XIRP2: variants seen among roughly 807,000 people sequenced by gnomAD.
The protein encoded by XIRP2 is xin actin binding repeat containing 2.
In XIRP2, 236 loss-of-function variants were observed where a neutral mutation model predicts 277.0. The observed-to-expected ratio is 0.85, with a 90% confidence interval of 0.77 to 0.95. The LOEUF (loss-of-function observed/expected upper bound fraction) is 0.95, where lower values mean the gene tolerates loss of function less well. Ranked by LOEUF, XIRP2 falls within the 40% of genes least tolerant of loss-of-function variation. The pLI is 0.00. For missense variants in XIRP2, 4,640 were observed against 4,157.5 expected, an observed-to-expected ratio of 1.12 and a Z score of -3.19; for synonymous variants, 1,490 against 1,416.5, an observed-to-expected ratio of 1.05 and a Z score of -1.17.
At chr2:166,927,116 CTG>C (rs1273365813) in intron 2 of XIRP2, among the ~76,000 whole-genome samples, 3 of 152,162 alleles carry the variant, frequency 2.0e-5, no homozygotes, top group African/African-American at 7.2e-5. Flanking sequence ...TAGTTTTTCT[CTG>C]TGTTCCAGTT....
chr2:166,969,602 T>C (rs1464532566), intron 2 of XIRP2, among the ~76,000 whole-genome samples: 1 of 151,958 alleles, frequency 6.6e-6, no homozygotes, highest in Admixed American at 6.6e-5. Context: ...ATTTTAAGGC[T>C]TCATATATGA....
At position 167,243,871 on chromosome 2, in the gene XIRP2, A is replaced by T; in HGVS notation, c.2479A>T (p.Ile827Phe). The change falls in exon 9 of 11, where the codon ATC (isoleucine) becomes TTC (phenylalanine). Residue 827 changes from isoleucine to phenylalanine, a missense_variant. Transcript: ENST00000409195. ...GAAAATCAAAGAGTCAGAAGAGGTC[A>T]TCATTGAAAAGGAAAAAATAATAGG... ...LEKIKESEEV[I>F]IEKEKIIGTD... 1 of 1,614,006 alleles carries T rather than the reference A, an allele frequency of 6.2e-7. No homozygotes were observed. Among genetic ancestry groups the T allele is most frequent in the Non-Finnish European group, 8.5e-7 (1 of 1,179,944 alleles).
chr2:167,183,786 T>C (rs1683578540), intron 3 of XIRP2, among the ~76,000 whole-genome samples: 1 of 151,858 alleles, frequency 6.6e-6, no homozygotes. Flanking sequence ...TCTGTCTCTT[T>C]GCATGCTTAG....
At chr2:167,219,425 A>G (rs1197968474) in intron 5 of XIRP2, among the ~76,000 whole-genome samples, 1 of 152,240 alleles carries the variant, frequency 6.6e-6, no homozygotes, top group Admixed American at 6.5e-5. Context: ...TAGTTTAAAT[A>G]ACAAATTCTA....
intron 2 of XIRP2, among the ~76,000 whole-genome samples, chr2:167,015,636 C>T (rs142429712): frequency 3.9e-4 from 59 of 151,846 alleles, no homozygotes; most frequent in African/African-American, 1.2e-3. Context: ...ATTTATATTG[C>T]TCTAATAAGA....
At chr2:166,917,808 G>A (rs771698939) in intron 2 of XIRP2, among the ~76,000 whole-genome samples, 7 of 152,068 alleles carry the variant, frequency 4.6e-5, no homozygotes, top group African/African-American at 7.2e-5. Flanking sequence ...TTAGGAGCCC[G>A]ATTCTTTTAC....
intron 3 of XIRP2, among the ~76,000 whole-genome samples, chr2:167,170,533 T>A (rs73022001): frequency 0.099 from 15,023 of 152,194 alleles, 799 homozygotes; most frequent in South Asian, 0.15. Context: ...TGCTTGTGAT[T>A]AGTGGTATCT....
chr2:167,181,565 C>T (rs1693009105), intron 3 of XIRP2, among the ~76,000 whole-genome samples: 1 of 150,666 alleles, frequency 6.6e-6, no homozygotes, highest in Admixed American at 6.6e-5. Flanking sequence ...GACAAGAAGC[C>T]TATCAAGAAC....
At chr2:167,196,696 T>G (rs1018549096) in intron 3 of XIRP2, among the ~76,000 whole-genome samples, 12 of 152,092 alleles carry the variant, frequency 7.9e-5, no homozygotes, top group African/African-American at 2.9e-4. Flanking sequence ...CTGCTTTCCT[T>G]GGCAGGCTTC....
At chr2:166,920,886 T>C (rs551098175) in intron 2 of XIRP2, among the ~76,000 whole-genome samples, 1 of 152,174 alleles carries the variant, frequency 6.6e-6, no homozygotes, top group Non-Finnish European at 1.5e-5. Context: ...TCTAACCCAG[T>C]CAGGTGGAGT....
intron 2 of XIRP2, among the ~76,000 whole-genome samples, chr2:166,912,508 T>G (rs2105347778): frequency 6.6e-6 from 1 of 152,306 alleles, no homozygotes; most frequent in East Asian, 1.9e-4. Context: ...TAGCCATTAG[T>G]CTAATCTTTT....
In XIRP2 at chr2:167,172,148, G is replaced by C. The variant is rs538827103; in HGVS notation, c.562+36086G>C. On this transcript the variant is annotated intron_variant, in intron 3 of 10. Transcript: ENST00000409195. The stretch of plus-strand genomic sequence containing the variant: ...CAAATGAGAGAAATTTTAAAGCTGG[G>C]TGTCCAGGGGAGACATCACATGTCG... 1.4e-4 allele frequency among the ~76,000 whole-genome samples: 21 copies of C among 152,148 alleles called. No homozygotes were observed. In the East Asian group the frequency reaches 3.5e-3, roughly 25 times the overall value.
intron 2 of XIRP2, among the ~76,000 whole-genome samples, chr2:167,059,220 C>T (rs1398597913): frequency 1.3e-5 from 2 of 149,502 alleles, no homozygotes; most frequent in Admixed American, 1.3e-4. Flanking sequence ...TCTCCTGCCT[C>T]AGTCTCCCGA....
intron 2 of XIRP2, among the ~76,000 whole-genome samples, chr2:166,926,887 C>A (rs542677612): frequency 6.6e-6 from 1 of 152,180 alleles, no homozygotes; most frequent in East Asian, 1.9e-4. Flanking sequence ...GTGCATCAGT[C>A]ATAATACAGT....
chr2:167,078,274 G>A (rs942250387), intron 2 of XIRP2, among the ~76,000 whole-genome samples: 4 of 152,100 alleles, frequency 2.6e-5, no homozygotes, highest in African/African-American at 9.7e-5. Flanking sequence ...TTAGCTCTCA[G>A]CTTGAATTTT....
At chr2:167,082,378 C>A (rs1689763986) in intron 2 of XIRP2, among the ~76,000 whole-genome samples, 1 of 151,958 alleles carries the variant, frequency 6.6e-6, no homozygotes, top group South Asian at 2.1e-4. Context: ...CAAGTCTTTG[C>A]TATTGTGAAT....
chr2:167,029,779 T>C (rs546933644), intron 2 of XIRP2, among the ~76,000 whole-genome samples: 11 of 152,162 alleles, frequency 7.2e-5, no homozygotes, highest in Non-Finnish European at 1.6e-4. Flanking sequence ...TCAGAAGGAA[T>C]GATACAGCTC....
intron 2 of XIRP2, among the ~76,000 whole-genome samples, chr2:167,095,467 T>C (rs1029893999): frequency 6.6e-6 from 1 of 152,166 alleles, no homozygotes; most frequent in Non-Finnish European, 1.5e-5. Context: ...AAATAGCTCT[T>C]ATTATTTTGA....
Position 167,243,021 on chromosome 2 carries a change from G to T in XIRP2, c.1629G>T (p.Arg543=). 11 of 1,614,016 alleles carry T rather than the reference G, an allele frequency of 6.8e-6. No individual in the cohort carries two copies. The highest frequency in any genetic ancestry group is 9.3e-6 in the Non-Finnish European group (11 of 1,179,960). The change falls in exon 9 of 11, where the codon CGG becomes CGT. Residue 543 remains arginine (R), a synonymous_variant. Transcript: ENST00000409195. ...SSVSADVQQA[R]YVFENTNDSS... ...TCTCAGCAGATGTGCAACAAGCCCG[G>T]TATGTTTTTGAAAACACAAATGACA...
Sources: gnomAD v4.1 joint callset for allele counts (sites outside exome capture counted in the v4.1 genomes callset) on GRCh38, gnomAD v4.1.1 for gene constraint, MANE v1.5 for transcripts, NCBI Gene and HGNC (gene_info 2026-07-23, HGNC 2026-07-21) for gene names.